The following USP36 variants were observed in gnomAD, a reference collection of about 807,000 sequenced individuals.
USP36 encodes the protein ubiquitin carboxyl-terminal hydrolase 36.
USP36 carries 59 observed loss-of-function variants against 111.5 expected under a neutral mutation model. That is an observed-to-expected ratio of 0.53 (90% CI 0.43 to 0.66). The LOEUF (loss-of-function observed/expected upper bound fraction) is 0.66. Ranked by LOEUF, USP36 falls within the 30% of genes least tolerant of loss-of-function variation. The pLI, the probability that USP36 is intolerant of heterozygous loss-of-function variation, is 0.00. For missense variants in USP36, 1,488 were observed against 1,468.0 expected (o/e 1.01, Z -0.22); for synonymous variants, 628 against 581.0 (o/e 1.08, Z -1.16).
At chr17:78,824,610 G>GAA (rs1432126877) in intron 6 of USP36, among the ~76,000 whole-genome samples, 1 of 152,126 alleles carries the variant, frequency 6.6e-6, no homozygotes, top group Admixed American at 6.5e-5. Context: ...AATATCCAAA[G>GAA]AAATTTGAGA....
Position 78,802,452 on chromosome 17 carries a change from G to A in USP36, c.2894C>T (p.Thr965Ile). 6.2e-7 allele frequency: 1 copy of A among 1,604,086 alleles called. No homozygotes were observed. The highest frequency in any genetic ancestry group is 8.5e-7 in the Non-Finnish European group (1 of 1,175,244). Residue 965 changes from threonine (T) to isoleucine (I), a missense_variant, in exon 17 of 21, where the codon ACA becomes ATA. Thr to Ile is a moderately conservative substitution (Grantham distance 89, BLOSUM62 -1). Coordinates refer to ENST00000449938, the MANE Select transcript of USP36 (RefSeq NM_001385174.1). The stretch of plus-strand genomic sequence containing the variant: ...CCCATCCTCTTCTACTGCCCGCTGT[G>A]TCTCCTGCTTTCTTTTTTTCTTTTT... ...KKKKKKRKQE[T>I]QRAVEEDGHL...
At position 78,813,837 on chromosome 17, in the gene USP36, A is replaced by G. The variant is rs2094123465; in HGVS notation, c.1201T>C (p.Leu401=). The change falls in exon 12 of 21, where the codon TTG becomes CTG. Residue 401 remains leucine (L), a synonymous_variant. Coordinates refer to ENST00000449938, the MANE Select transcript of USP36 (RefSeq NM_001385174.1). Reference sequence around the variant, plus strand: ...ACCTTGACGTTGCTGGAATGGACCAAGGAATCATTCATCTGGTACCACTGT... The same window carrying G: ...ACCTTGACGTTGCTGGAATGGACCAGGGAATCATTCATCTGGTACCACTGT... The part of the protein sequence containing the change: ...NGQWYQMNDS[L]VHSSNVKVVL... The G allele has an allele frequency of 1.9e-5, 30 of 1,614,198 alleles. No homozygotes were observed. The East Asian group carries it at 6.7e-4, about 36-fold the overall frequency.
At position 78,803,579 on chromosome 17, in the gene USP36, G is replaced by T; in HGVS notation, c.2616C>A (p.Pro872=). 1 of 1,613,110 alleles carries T rather than the reference G, an allele frequency of 6.2e-7. No homozygotes were observed. The highest frequency in any genetic ancestry group is 1.1e-5 in the South Asian group (1 of 91,070). ...EGQTQRQPGS[P]MYRREGQAQL... ...GTGCCTGGCCCTCCCTCCTGTACATGGGGCTCCCAGGCTGTCTCTGTGTCT... is the reference window on the plus strand; with the variant it reads ...GTGCCTGGCCCTCCCTCCTGTACATTGGGCTCCCAGGCTGTCTCTGTGTCT... Residue 872 remains proline (P), a synonymous_variant, in exon 16 of 21, where the codon CCC becomes CCA. Transcript: ENST00000449938. This position sits in a 1 kb window ranked among gnomAD's most constrained non-coding sequence, Gnocchi z 4.6.
intron 3 of USP36, among the ~76,000 whole-genome samples, chr17:78,790,143 C>CAAT (rs1238013777): frequency 6.6e-6 from 1 of 151,630 alleles, no homozygotes; most frequent in African/African-American, 2.4e-5. Context: ...GGCTGGAGTG[C>CAAT]AATAGCGCGA....
intron 15 of USP36, 78 bp downstream of exon 15, chr17:78,806,078 C>G: frequency 6.2e-7 from 1 of 1,603,334 alleles, no homozygotes; most frequent in Admixed American, 1.8e-5. Flanking sequence ...GGCGATTCGT[C>G]CAACTCCTCA....
rs150599271 is a variant in USP36 at position 78,836,238 on chromosome 17, G to A, written c.126C>T (p.Phe42=). The A allele has an allele frequency of 4.6e-5, 75 of 1,613,942 alleles. No homozygotes were observed. The highest frequency in any genetic ancestry group is 5.9e-5 in the Non-Finnish European group (70 of 1,180,018). The change falls in exon 3 of 21, where the codon TTC becomes TTT. Residue 42 remains phenylalanine, a synonymous_variant. Transcript: ENST00000449938. ...AGGAGAAGCTCTTGCTGGCTGGCTC[G>A]AACTCGATTTTCTGTAAAAGGACCT... ...AKKVLLQKIE[F]EPASKSFSYQ... is the part of the protein sequence containing the mutation.
At chr17:78,789,432 G>A (rs1368691937) in intron 3 of USP36, among the ~76,000 whole-genome samples, 1 of 152,034 alleles carries the variant, frequency 6.6e-6, no homozygotes, top group Non-Finnish European at 1.5e-5. Context: ...ATAAATAGAA[G>A]ACAGAGGACT....
At position 78,798,362 on chromosome 17, in the gene USP36, C is replaced by G; in HGVS notation, c.*20+38G>C. On this transcript the variant is annotated intron_variant, in intron 20 of 20. Transcript: ENST00000449938. This position sits in a 1 kb window ranked among gnomAD's most constrained non-coding sequence, Gnocchi z 5.1. ...CTACACACATACACGGCACACACAC[C>G]CCCACCTCACCCTTACACCCACCCC... 1 of 1,608,888 alleles carries G rather than the reference C, an allele frequency of 6.2e-7. No individual in the cohort carries two copies. The highest frequency in any genetic ancestry group is 8.5e-7 in the Non-Finnish European group (1 of 1,178,556).
At chr17:78,799,634 A>G in intron 18 of USP36, 33 bp downstream of exon 18, 1 of 1,601,096 alleles carries the variant, frequency 6.2e-7, no homozygotes, top group South Asian at 1.1e-5. Flanking sequence ...AACCAATGAA[A>G]GGCAAACAGA....
chr17:78,789,977 T>C (rs966859431), intron 3 of USP36, among the ~76,000 whole-genome samples: 1 of 152,232 alleles, frequency 6.6e-6, no homozygotes, highest in Non-Finnish European at 1.5e-5. Flanking sequence ...GTATGCTGCC[T>C]TCAGCAGCTG....
chr17:78,819,834 C>T, intron 9 of USP36, 96 bp downstream of exon 9: 2 of 1,302,524 alleles, frequency 1.5e-6, no homozygotes, highest in South Asian at 1.3e-5. Flanking sequence ...GCAGCGGTCA[C>T]CGCTAAGGAA....
In USP36 at chr17:78,806,162, C is replaced by T. The variant is rs1230335210; in HGVS notation, c.2210G>A (p.Arg737Lys). ...ATCCCGGCCCAAAGCTTACCTGGCT[C>T]TATGGACGGGCCAAGTGGAGGCAAC... ...PVVASTWPVH[R>K]ARAVSPAPQS... Residue 737 changes from arginine (R) to lysine (K), a missense_variant, in exon 15 of 21, where the codon AGA becomes AAA. Arg to Lys is a conservative substitution (Grantham distance 26). This residue lies in a region of USP36 where 1,073 missense variants were observed against 994.1 expected (regional missense o/e 1.08). Coordinates refer to ENST00000449938, the MANE Select transcript of USP36 (RefSeq NM_001385174.1). 7 of 1,613,410 alleles carry T rather than the reference C, an allele frequency of 4.3e-6. No homozygotes were observed. Among genetic ancestry groups the T allele is most frequent in the Non-Finnish European group, 5.9e-6 (7 of 1,179,906 alleles).
Position 78,807,309 on chromosome 17 carries a change from G to T in USP36, c.1735C>A (p.Leu579Ile). The change falls in exon 14 of 21, where the codon CTC becomes ATC. Residue 579 changes from leucine to isoleucine, a missense_variant. Leu to Ile is a conservative substitution (Grantham distance 5). Around this residue, in one of 3 missense-constraint regions of USP36, gnomAD observed 1,073 missense variants for 994.1 expected, o/e 1.08. Coordinates refer to ENST00000449938, the MANE Select transcript of USP36 (RefSeq NM_001385174.1). ...QGSWDSRDVV[L>I]STSPKLLATA... ...GCCAGGAGCTTAGGTGAGGTAGAGA[G>T]GACAACATCCCTGCTGTCCCAGGAG... 1 of 1,614,218 alleles carries T rather than the reference G, an allele frequency of 6.2e-7. No individual in the cohort carries two copies. Among genetic ancestry groups the T allele is most frequent in the East Asian group, 2.2e-5 (1 of 44,878 alleles).
chr17:78,828,319 C>T (rs1006950573), intron 5 of USP36, among the ~76,000 whole-genome samples: 6 of 152,252 alleles, frequency 3.9e-5, no homozygotes, highest in East Asian at 1.9e-4. Flanking sequence ...TTTCAAAAAC[C>T]GGTAATAGGC....
Position 78,806,140 on chromosome 17 carries a change from C to T in USP36, c.2216+16G>A, listed in dbSNP as rs1009012245. 1.1e-5 allele frequency: 18 copies of T among 1,612,560 alleles called. No homozygotes were observed. The highest frequency in any genetic ancestry group is 1.4e-5 in the Non-Finnish European group (16 of 1,179,706). On this transcript the variant is annotated intron_variant, in intron 15 of 20. Transcript: ENST00000449938. ...AGAACCAGTTGGCACCCAGAAGATC[C>T]CGGCCCAAAGCTTACCTGGCTCTAT...
chr17:78,835,596 T>C (rs999947656), intron 3 of USP36, 95 bp from the exon 4 acceptor site: 139 of 1,198,140 alleles, frequency 1.2e-4, no homozygotes, highest in Non-Finnish European at 1.6e-4. Context: ...ACACTTAGCA[T>C]GCAGTGACTC....
intron 7 of USP36, 22 bp downstream of exon 7, chr17:78,821,912 CAGT>C: frequency 6.2e-7 from 1 of 1,612,930 alleles, no homozygotes; most frequent in Non-Finnish European, 8.5e-7. Flanking sequence ...TGGCAAGAAG[CAGT>C]AGAACAAACG....
Position 78,806,297 on chromosome 17 carries a change from C to A in USP36, c.2086-11G>T, listed in dbSNP as rs529539723. 1.3e-5 allele frequency: 21 copies of A among 1,612,616 alleles called. No individual in the cohort carries two copies. In the South Asian group the frequency reaches 1.6e-4, roughly 13 times the overall value. Reference sequence around the variant, plus strand: ...CCACAGGGTGCTGGCCTGCAGTTATCGACATAAATAAAAACTTGGTGGTCT... The same window carrying A: ...CCACAGGGTGCTGGCCTGCAGTTATAGACATAAATAAAAACTTGGTGGTCT... On this transcript the variant is annotated splice_polypyrimidine_tract_variant and intron_variant, in intron 14 of 20. Transcript: ENST00000449938.
At position 78,797,599 on chromosome 17, in the gene USP36, T is replaced by C. The variant is rs1211679143; in HGVS notation, c.*301A>G. The C allele has an allele frequency of 6.6e-6, 1 of 152,320 alleles. No homozygotes were observed. Among genetic ancestry groups the C allele is most frequent in the East Asian group, 1.9e-4 (1 of 5,202 alleles). The allele number at this position is 152,320 out of a possible 1,614,324, so 9.4% of individuals were successfully genotyped here. ...CTCTGCCAGCACAGACCACTGTCTA[T>C]GAAACATGAGAAGGCACAGCCTGGC... On this transcript the variant is annotated 3_prime_UTR_variant, in exon 21 of 21. Coordinates refer to ENST00000449938, the MANE Select transcript of USP36 (RefSeq NM_001385174.1).
Sources: allele counts gnomAD v4.1 joint callset (sites outside exome capture counted in the v4.1 genomes callset), GRCh38; gene constraint gnomAD v4.1.1; regional missense constraint gnomAD v4.1.1; non-coding constraint Gnocchi (gnomAD v3.1); transcripts MANE v1.5; gene names NCBI Gene and HGNC (gene_info 2026-07-23, HGNC 2026-07-21).